CACNG3: variants seen among roughly 807,000 people sequenced by gnomAD.
CACNG3 encodes calcium voltage-gated channel auxiliary subunit gamma 3.
In CACNG3, 3 loss-of-function variants were observed where a neutral mutation model predicts 28.5. That is an observed-to-expected ratio of 0.11 (90% confidence interval 0.05 to 0.27). CACNG3 has a LOEUF of 0.27. Ranked by LOEUF, CACNG3 falls within the 10% of genes least tolerant of loss-of-function variation. The probability of loss-of-function intolerance (pLI) is 1.00; values close to 1 mark genes in which losing one functional copy is unlikely to be tolerated. For missense variants in CACNG3, 236 were observed against 414.4 expected, an observed-to-expected ratio of 0.57 and a Z score of 3.74; for synonymous variants, 174 against 162.2, an observed-to-expected ratio of 1.07 and a Z score of -0.55.
At chr16:24,323,616 TG>T (rs1245732211) in intron 1 of CACNG3, among the ~76,000 whole-genome samples, 3 of 152,206 alleles carry the variant, frequency 2.0e-5, no homozygotes, top group Admixed American at 6.5e-5. Context: ...ATACTGAGGT[TG>T]GATCACAGCA....
At chr16:24,350,142 A>T (rs749039948) in intron 2 of CACNG3, among the ~76,000 whole-genome samples, 1 of 152,228 alleles carries the variant, frequency 6.6e-6, no homozygotes, top group Non-Finnish European at 1.5e-5. Context: ...CTGACTTAGC[A>T]GAATATTTCC....
intron 1 of CACNG3, among the ~76,000 whole-genome samples, chr16:24,287,214 A>C (rs935700694): frequency 2.0e-5 from 3 of 152,166 alleles, no homozygotes; most frequent in African/African-American, 7.2e-5. Context: ...ACAGGTACGC[A>C]TGATTAAAAG....
intron 1 of CACNG3, among the ~76,000 whole-genome samples, chr16:24,280,413 C>T (rs939367041): frequency 5.9e-5 from 9 of 152,162 alleles, no homozygotes; most frequent in Non-Finnish European, 5.9e-5. Context: ...ATGTTGTTTT[C>T]GTCCTTAAAA....
intron 2 of CACNG3, among the ~76,000 whole-genome samples, chr16:24,353,633 A>C (rs1218129360): frequency 6.6e-6 from 1 of 152,154 alleles, no homozygotes; most frequent in East Asian, 1.9e-4. Context: ...GTGGTGGTTA[A>C]ACATGTCAGC....
chr16:24,274,304 G>A (rs1201053113), intron 1 of CACNG3, among the ~76,000 whole-genome samples: 1 of 151,932 alleles, frequency 6.6e-6, no homozygotes, highest in African/African-American at 2.4e-5. Context: ...ACCTCTCTGT[G>A]TCTGTTTCCT....
chr16:24,361,752 C>T lies in CACNG3; in HGVS notation c.837C>T (p.Leu279=), dbSNP rs781113189. The T allele has an allele frequency of 1.2e-5, 20 of 1,614,104 alleles. No homozygotes were observed. Among genetic ancestry groups the T allele is most frequent in the Non-Finnish European group, 1.5e-5 (18 of 1,180,016 alleles). Residue 279 remains leucine (L), a synonymous_variant, in exon 4 of 4, where the codon CTC becomes CTT. Transcript: ENST00000005284. The surrounding 1 kb of genome is among the most constrained non-coding windows in gnomAD (Gnocchi z 6.8). ...RDPSKITMGT[L]LNSDRDHAFL... ...CCTCAAAGATCACCATGGGGACCCT[C>T]CTCAACTCCGACCGGGACCACGCTT...
At chr16:24,270,700 G>A (rs1898675877) in intron 1 of CACNG3, among the ~76,000 whole-genome samples, 1 of 152,244 alleles carries the variant, frequency 6.6e-6, no homozygotes, top group Non-Finnish European at 1.5e-5. Flanking sequence ...TGCAGTGACA[G>A]CTCACTGGCT....
At chr16:24,262,710 G>A (rs1898552121) in intron 1 of CACNG3, among the ~76,000 whole-genome samples, 2 of 152,128 alleles carry the variant, frequency 1.3e-5, no homozygotes, top group Admixed American at 1.3e-4. Flanking sequence ...TATCATCATC[G>A]GTGGAAAGAA....
chr16:24,317,648 AAAAGAAAG>A (rs1158587996), intron 1 of CACNG3, among the ~76,000 whole-genome samples: 2,386 of 55,770 alleles, frequency 0.043, 115 homozygotes, highest in Non-Finnish European at 0.05. Context: ...GAAAGAAAAG[AAAAGAAAG>A]AAAGAAAGAA....
In CACNG3 at chr16:24,256,723, A is replaced by G. The variant is rs867380526; in HGVS notation, c.-32A>G. 1 of 1,492,452 alleles carries G rather than the reference A, an allele frequency of 6.7e-7. No homozygotes were observed. The highest frequency in any genetic ancestry group is 2.3e-5 in the East Asian group (1 of 44,304). 92.5% of individuals were successfully genotyped at this position (1,492,452 alleles called of 1,614,324 possible). A position where few individuals can be genotyped will look rare whatever the true frequency, so the allele number is the denominator to read the frequency against. ...CTCCGGCACTGACTCTCCCCCTCCA[A>G]CCCCCAGCCGTCCAGAGTACCATGA... On this transcript the variant is annotated 5_prime_UTR_variant, in exon 1 of 4. Transcript: ENST00000005284. This position sits in a 1 kb window ranked among gnomAD's most constrained non-coding sequence, Gnocchi z 4.6.
intron 1 of CACNG3, among the ~76,000 whole-genome samples, chr16:24,322,027 A>C (rs562035852): frequency 6.6e-6 from 1 of 152,212 alleles, no homozygotes; most frequent in Admixed American, 6.5e-5. Flanking sequence ...CCCGTGTACC[A>C]GATGAGGAAA....
intron 1 of CACNG3, among the ~76,000 whole-genome samples, chr16:24,266,948 G>C (rs1054819670): frequency 6.6e-6 from 1 of 151,776 alleles, no homozygotes; most frequent in Non-Finnish European, 1.5e-5. Context: ...AGGAACTAGG[G>C]AAATAATTAT....
intron 1 of CACNG3, among the ~76,000 whole-genome samples, chr16:24,259,974 G>T (rs1174789026): frequency 6.6e-6 from 1 of 152,212 alleles, no homozygotes; most frequent in Admixed American, 6.5e-5. Context: ...GTTTTCTAAA[G>T]GTGCTCCAAG....
At chr16:24,315,503 T>G (rs924571769) in intron 1 of CACNG3, among the ~76,000 whole-genome samples, 4 of 151,100 alleles carry the variant, frequency 2.6e-5, no homozygotes, top group Admixed American at 2.0e-4. Flanking sequence ...TTTCCTGCTT[T>G]CTTTCTTTCT....
At chr16:24,359,813 T>C (rs1900082168) in intron 3 of CACNG3, among the ~76,000 whole-genome samples, 1 of 152,114 alleles carries the variant, frequency 6.6e-6, no homozygotes. Flanking sequence ...CAATGAGCTA[T>C]AATTGTTCCA....
intron 1 of CACNG3, among the ~76,000 whole-genome samples, chr16:24,296,181 T>C (rs1009968773): frequency 6.6e-6 from 1 of 152,196 alleles, no homozygotes; most frequent in African/African-American, 2.4e-5. Flanking sequence ...GTGACCCGAC[T>C]CCTGGTCCTT....
At chr16:24,313,776 G>T (rs188654139) in intron 1 of CACNG3, among the ~76,000 whole-genome samples, 3 of 152,070 alleles carry the variant, frequency 2.0e-5, no homozygotes, top group Admixed American at 2.0e-4. Context: ...ATGCAATCTG[G>T]TTCTGTCGCC....
intron 1 of CACNG3, among the ~76,000 whole-genome samples, chr16:24,277,679 C>A (rs557410030): frequency 6.6e-6 from 1 of 151,124 alleles, no homozygotes; most frequent in Admixed American, 6.6e-5. Flanking sequence ...ACTCAGGAGG[C>A]TGAGGCAGGA....
At chr16:24,301,321 C>T (rs1287865308) in intron 1 of CACNG3, among the ~76,000 whole-genome samples, 1 of 151,704 alleles carries the variant, frequency 6.6e-6, no homozygotes, top group Non-Finnish European at 1.5e-5. Context: ...GTCATTTTAT[C>T]TTGCAACCAC....
Sources: gnomAD v4.1 joint callset for allele counts (sites outside exome capture counted in the v4.1 genomes callset) on GRCh38, gnomAD v4.1.1 for gene constraint, Gnocchi (gnomAD v3.1) non-coding constraint, MANE v1.5 for transcripts, NCBI Gene and HGNC (gene_info 2026-07-23, HGNC 2026-07-21) for gene names.